The following MEF2D variants were observed in gnomAD, a reference collection of about 807,000 sequenced individuals.
MEF2D encodes myocyte-specific enhancer factor 2D.
A neutral mutation model predicts 59.3 loss-of-function variants in MEF2D; 10 were observed. The ratio of observed to expected loss-of-function variants is 0.17; its 90% CI spans 0.10 to 0.29. The LOEUF (loss-of-function observed/expected upper bound fraction) is 0.29. Among genes scored for constraint, MEF2D ranks in the 10% least tolerant of loss-of-function variants. The pLI, the probability that MEF2D is intolerant of heterozygous loss-of-function variation, is 1.00. For synonymous variants in MEF2D, 305 were observed against 295.0 expected (o/e 1.03, Z -0.35); for missense variants, 508 against 699.4 (o/e 0.73, Z 3.09).
At chr1:156,491,116 A>T (rs1217867469) in intron 1 of MEF2D, among the ~76,000 whole-genome samples, 1 of 152,190 alleles carries the variant, frequency 6.6e-6, no homozygotes, top group Non-Finnish European at 1.5e-5. Flanking sequence ...GTCCCAGTAG[A>T]GAAGGGATGG....
At chr1:156,500,330 G>A (rs1204293369) in intron 1 of MEF2D, among the ~76,000 whole-genome samples, 156 bp downstream of exon 1, 3 of 152,214 alleles carry the variant, frequency 2.0e-5, no homozygotes, top group Non-Finnish European at 4.4e-5. Flanking sequence ...AACGCCACAC[G>A]AAAACACGGC....
Position 156,467,530 on chromosome 1 carries a change from C to G in MEF2D, c.*115G>C. On this transcript the variant is annotated 3_prime_UTR_variant, in exon 12 of 12. Transcript: ENST00000348159. Reference sequence around the variant, plus strand: ...CACAAATGTAACCGTCAACAGGACACGAAGCACAAGAAAGGAAGTGGGGGT... The same window carrying G: ...CACAAATGTAACCGTCAACAGGACAGGAAGCACAAGAAAGGAAGTGGGGGT... The G allele has an allele frequency of 1.6e-6, 1 of 639,860 alleles. No individual in the cohort carries two copies. The highest frequency in any genetic ancestry group is 3.1e-5 in the East Asian group (1 of 32,466). The allele number at this position is 639,860 out of a possible 1,614,324, so 39.6% of individuals were successfully genotyped here. A position where few individuals can be genotyped will look rare whatever the true frequency, so the allele number is the denominator to read the frequency against.
chr1:156,467,987 C>T lies in MEF2D; in HGVS notation c.1554+6G>A, dbSNP rs1303694908. 1.9e-6 allele frequency: 3 copies of T among 1,607,970 alleles called. No individual in the cohort carries two copies. Among genetic ancestry groups the T allele is most frequent in the Non-Finnish European group, 2.5e-6 (3 of 1,177,812 alleles). On this transcript the variant is annotated splice_donor_region_variant and intron_variant, in intron 11 of 11. Transcript: ENST00000348159. ...CTGGCAGACAGGAGAGGTGATGCTA[C>T]AGTACCCAGGTATCAAGCCGCATCC... is the stretch of plus-strand genomic sequence containing the variant.
intron 3 of MEF2D, among the ~76,000 whole-genome samples, chr1:156,481,285 C>T (rs552371330): frequency 3.3e-5 from 5 of 152,252 alleles, no homozygotes; most frequent in African/African-American, 1.2e-4. Flanking sequence ...GGGGATGGGG[C>T]CTCCAGGGGA....
At chr1:156,488,461 T>G (rs1052143173) in intron 1 of MEF2D, among the ~76,000 whole-genome samples, 2 of 152,046 alleles carry the variant, frequency 1.3e-5, no homozygotes, top group Non-Finnish European at 2.9e-5. Context: ...AGGAGGCCCC[T>G]CTGACAACAC....
At position 156,479,306 on chromosome 1, in the gene MEF2D, G is replaced by A; in HGVS notation, c.648C>T (p.Ala216=). 1 of 1,612,852 alleles carries A rather than the reference G, an allele frequency of 6.2e-7. No homozygotes were observed. Among genetic ancestry groups the A allele is most frequent in the South Asian group, 1.1e-5 (1 of 90,796 alleles). ...TGCACTCACCAACAGGGCTGGGGCA[G>A]GCTCCGTTAGCACTGTTCAGGTCAC... is the stretch of plus-strand genomic sequence containing the variant. ...LGGDLNSANG[A]CPSPVGNGYV... is the part of the protein sequence containing the mutation. Residue 216 remains alanine (A), a synonymous_variant, in exon 6 of 12, where the codon GCC becomes GCT. Transcript: ENST00000348159.
At chr1:156,479,166 C>T (rs1379870881) in intron 6 of MEF2D, 124 bp downstream of exon 6, 8 of 714,044 alleles carry the variant, frequency 1.1e-5, no homozygotes, top group African/African-American at 1.9e-5. Flanking sequence ...ACTGACTCTT[C>T]ATCCAGTCCT....
chr1:156,474,859 T>C (rs1388526823), intron 9 of MEF2D, among the ~76,000 whole-genome samples: 7 of 152,120 alleles, frequency 4.6e-5, no homozygotes, highest in Admixed American at 1.3e-4. Context: ...CTTTGGGACA[T>C]ACATTAGCAG....
intron 1 of MEF2D, among the ~76,000 whole-genome samples, chr1:156,492,258 G>T (rs1421926885): frequency 6.6e-6 from 1 of 152,194 alleles, no homozygotes; most frequent in Non-Finnish European, 1.5e-5. Flanking sequence ...CACAGTGCAG[G>T]GTGGGAGTAA....
In MEF2D at chr1:156,464,050, G is replaced by A. The variant is rs1571202759; in HGVS notation, c.*3595C>T. ...ACCACCTCCCTCCCTCTGGAGAATG[G>A]GGAAGAGGAGAGAATCCAGATTCTC... On this transcript the variant is annotated 3_prime_UTR_variant, in exon 12 of 12. Coordinates refer to ENST00000348159, the MANE Select transcript of MEF2D (RefSeq NM_005920.4). 1 of 152,510 alleles carries A rather than the reference G, an allele frequency of 6.6e-6. No individual in the cohort carries two copies. Among genetic ancestry groups the A allele is most frequent in the African/African-American group, 2.4e-5 (1 of 41,398 alleles). The allele number at this position is 152,510 out of a possible 1,614,324, so 9.4% of individuals were successfully genotyped here. A position where few individuals can be genotyped will look rare whatever the true frequency, so the allele number is the denominator to read the frequency against.
chr1:156,474,133 CAGGGGCTCCCTCCTCCA>C (rs1671416563), intron 9 of MEF2D, among the ~76,000 whole-genome samples: 1 of 152,188 alleles, frequency 6.6e-6, no homozygotes, highest in Non-Finnish European at 1.5e-5. Flanking sequence ...TTTCTGAGGA[CAGGGGCTCCCTCCTCCA>C]TTAAGTACTT....
chr1:156,472,710 G>A (rs1470584359), intron 9 of MEF2D, among the ~76,000 whole-genome samples: 7 of 147,578 alleles, frequency 4.7e-5, no homozygotes, highest in Admixed American at 1.3e-4. Flanking sequence ...CACCACGCCC[G>A]GCTAATTTTT....
intron 4 of MEF2D, chr1:156,480,496 T>G: frequency 1.3e-6 from 1 of 771,678 alleles, no homozygotes. Flanking sequence ...GGATGCGGGT[T>G]TATCATGACC....
chr1:156,483,909 C>A (rs1434657292), intron 1 of MEF2D, among the ~76,000 whole-genome samples: 1 of 152,172 alleles, frequency 6.6e-6, no homozygotes, highest in Admixed American at 6.5e-5. Context: ...GTCTCTGGTG[C>A]CCCTGGCTCA....
At chr1:156,491,836 T>A (rs906669349) in intron 1 of MEF2D, among the ~76,000 whole-genome samples, 1 of 152,202 alleles carries the variant, frequency 6.6e-6, no homozygotes, top group Non-Finnish European at 1.5e-5. Context: ...CAGGCTCAAC[T>A]TCCCATTCCA....
chr1:156,489,442 G>A (rs529327528), intron 1 of MEF2D, among the ~76,000 whole-genome samples: 1 of 152,252 alleles, frequency 6.6e-6, no homozygotes, highest in Admixed American at 6.5e-5. Flanking sequence ...CAGGAAAGAT[G>A]ACAGAGAAAA....
rs1670785360 is a variant in MEF2D, at chr1:156,465,555, G to A, written c.*2090C>T. On this transcript the variant is annotated 3_prime_UTR_variant, in exon 12 of 12. Transcript: ENST00000348159. ...CACACCAGGCACACTCAGACACAGA[G>A]ATGCCCCTAGAGCTCCAGTCACACA... 6.6e-6 allele frequency: 1 copy of A among 152,528 alleles called. No individual in the cohort carries two copies. The highest frequency in any genetic ancestry group is 1.9e-4 in the East Asian group (1 of 5,188). 9.4% of individuals were successfully genotyped at this position (152,528 alleles called of 1,614,324 possible). A position where few individuals can be genotyped will look rare whatever the true frequency, so the allele number is the denominator to read the frequency against.
intron 9 of MEF2D, among the ~76,000 whole-genome samples, chr1:156,471,053 A>G (rs1671206837): frequency 6.6e-6 from 1 of 152,002 alleles, no homozygotes; most frequent in African/African-American, 2.4e-5. Context: ...AGGATCAACT[A>G]TTTCTTTTCT....
In MEF2D at chr1:156,468,324, G is replaced by A. The variant is rs747450473; in HGVS notation, c.1248-25C>T. The stretch of plus-strand genomic sequence containing the variant: ...GCTGGAGGCAGGCAATGGAAATGGG[G>A]TACAAGGGATAAAAACAGAGGGGGT... On this transcript the variant is annotated intron_variant, in intron 10 of 11. Transcript: ENST00000348159. This position sits in a 1 kb window ranked among gnomAD's most constrained non-coding sequence, Gnocchi z 4.3. 6.6e-7 allele frequency: 1 copy of A among 1,515,330 alleles called. No individual in the cohort carries two copies. Among genetic ancestry groups the A allele is most frequent in the Non-Finnish European group, 8.9e-7 (1 of 1,128,616 alleles). 93.9% of individuals were successfully genotyped at this position (1,515,330 alleles called of 1,614,324 possible).
Sources: gnomAD v4.1 joint callset for allele counts (sites outside exome capture counted in the v4.1 genomes callset) on GRCh38, gnomAD v4.1.1 for gene constraint, Gnocchi (gnomAD v3.1) non-coding constraint, MANE v1.5 for transcripts, NCBI Gene and HGNC (gene_info 2026-07-23, HGNC 2026-07-21) for gene names.